Variants in RAI2 observed in about 807,000 individuals in gnomAD.
RAI2 encodes retinoic acid induced 2.
RAI2 carries 5 observed loss-of-function variants against 15.3 expected under a neutral mutation model. The ratio of observed to expected loss-of-function variants is 0.33; its 90% CI spans 0.17 to 0.69. The LOEUF (loss-of-function observed/expected upper bound fraction) is 0.69. RAI2 is among the 30% of genes least tolerant of loss of function. The pLI, the probability that RAI2 is intolerant of heterozygous loss-of-function variation, is 0.69. For synonymous variants in RAI2, 191 were observed against 184.0 expected (o/e 1.04, Z -0.31); for missense variants, 424 against 424.7 (o/e 1.00, Z 0.01).
intron 1 of RAI2, among the ~76,000 whole-genome samples, chrX:17,854,895 C>T (rs2067581522): frequency 8.9e-6 from 1 of 112,049 alleles, no homozygotes; most frequent in Non-Finnish European, 1.9e-5. Context: ...AGGGCAGCCC[C>T]CTCAGGAGCC....
chrX:17,841,534 A>T (rs1026643882), intron 1 of RAI2, among the ~76,000 whole-genome samples: 1 of 112,759 alleles, frequency 8.9e-6, no homozygotes, highest in Non-Finnish European at 1.9e-5. Flanking sequence ...TTAATTCTAC[A>T]ATATGGTTTG....
At chrX:17,807,122 ACCAT>A (rs2147215135) in intron 1 of RAI2, among the ~76,000 whole-genome samples, 1 of 110,920 alleles carries the variant, frequency 9.0e-6, no homozygotes, top group Admixed American at 9.6e-5. Flanking sequence ...CTAGGGTCTG[ACCAT>A]TAGCCTGGAG....
At chrX:17,805,408 G>C (rs1849096762) in intron 1 of RAI2, among the ~76,000 whole-genome samples, 1 of 112,954 alleles carries the variant, frequency 8.9e-6, no homozygotes, top group African/African-American at 3.2e-5. Flanking sequence ...CTTGGGGACT[G>C]CAGCCCGAAG....
intron 1 of RAI2, among the ~76,000 whole-genome samples, chrX:17,853,808 A>G (rs191543657): frequency 9.0e-6 from 1 of 111,644 alleles, no homozygotes; most frequent in East Asian, 2.8e-4. Flanking sequence ...TTAAAGAAAT[A>G]TTGTGATGAT....
intron 1 of RAI2, among the ~76,000 whole-genome samples, chrX:17,857,961 C>T (rs1168577734): frequency 9.0e-6 from 1 of 111,484 alleles, no homozygotes; most frequent in Non-Finnish European, 1.9e-5. Flanking sequence ...CCAGATTTTG[C>T]CAAGGTGGAG....
At chrX:17,839,019 A>G (rs1217466595) in intron 1 of RAI2, among the ~76,000 whole-genome samples, 1 of 112,125 alleles carries the variant, frequency 8.9e-6, no homozygotes, top group Non-Finnish European at 1.9e-5. Context: ...CCCGCTGCCA[A>G]CCACAGCCAC....
chrX:17,804,012 C>T (rs1394340086), intron 1 of RAI2, among the ~76,000 whole-genome samples: 1 of 107,136 alleles, frequency 9.3e-6, no homozygotes, highest in African/African-American at 3.4e-5. Context: ...CAGGCTGGAG[C>T]GCAGTGGCGC....
intron 1 of RAI2, among the ~76,000 whole-genome samples, chrX:17,841,892 A>C (rs2067401911): frequency 8.9e-6 from 1 of 112,851 alleles, no homozygotes; most frequent in African/African-American, 3.2e-5. Flanking sequence ...GTAACTCATC[A>C]GAAATCTTCC....
At chrX:17,819,125 C>T (rs2147233593) in intron 1 of RAI2, among the ~76,000 whole-genome samples, 1 of 112,131 alleles carries the variant, frequency 8.9e-6, no homozygotes, top group African/African-American at 3.2e-5. Flanking sequence ...CACAGACAGC[C>T]CTCAGGGCTG....
rs140431081 is a variant in RAI2, at chrX:17,800,474, T to C, written c.1537A>G (p.Ile513Val). 203 of 1,208,800 alleles carry C rather than the reference T, an allele frequency of 1.7e-4. 1 individual carries two copies. In the African/African-American group the frequency reaches 2.4e-3, roughly 14 times the overall value. The change falls in exon 2 of 2, where the codon ATA becomes GTA. Residue 513 changes from isoleucine to valine, a missense_variant. Coordinates refer to ENST00000451717, the MANE Select transcript of RAI2 (RefSeq NM_021785.6). ...TGTTTTTTGATTGGGAGCATGTGTA[T>C]TTCCTGGGAGTTCACTTTCTTTAAC... Reference protein sequence around the residue: ...IKLKKVNSQEIHMLPIKKQRL... With the variant: ...IKLKKVNSQEVHMLPIKKQRL...
intron 1 of RAI2, among the ~76,000 whole-genome samples, chrX:17,819,898 GGT>G (rs1389788142): frequency 1.3e-4 from 15 of 112,308 alleles, no homozygotes; most frequent in Admixed American, 6.6e-4. Flanking sequence ...TCTTTCAGGT[GGT>G]TACAAAGGTG....
At chrX:17,827,884 C>T (rs186511814) in intron 1 of RAI2, among the ~76,000 whole-genome samples, 1 of 111,381 alleles carries the variant, frequency 9.0e-6, no homozygotes, top group Admixed American at 9.4e-5. Context: ...CATTTCCAAC[C>T]CAGTATCCCT....
chrX:17,805,548 A>G (rs1460320007), intron 1 of RAI2, among the ~76,000 whole-genome samples: 1 of 112,491 alleles, frequency 8.9e-6, no homozygotes, highest in African/African-American at 3.2e-5. Context: ...CTCAGCACCA[A>G]TGAGCTACAG....
intron 1 of RAI2, among the ~76,000 whole-genome samples, chrX:17,826,923 T>C (rs1057113427): frequency 8.9e-6 from 1 of 112,577 alleles, no homozygotes; most frequent in African/African-American, 3.2e-5. Context: ...GAAATCTCTT[T>C]CCTTTATAAA....
intron 1 of RAI2, among the ~76,000 whole-genome samples, chrX:17,808,095 C>CT (rs892368992): frequency 4.5e-5 from 5 of 111,303 alleles, no homozygotes; most frequent in Non-Finnish European, 9.4e-5. Flanking sequence ...TTTTGCAATT[C>CT]TTTTTTTTAT....
chrX:17,819,684 C>T (rs2067143711), intron 1 of RAI2, among the ~76,000 whole-genome samples: 1 of 112,555 alleles, frequency 8.9e-6, no homozygotes. Flanking sequence ...ACAATTGCAT[C>T]TCAAAACCAC....
At chrX:17,857,547 A>G (rs905985996) in intron 1 of RAI2, among the ~76,000 whole-genome samples, 1 of 111,553 alleles carries the variant, frequency 9.0e-6, no homozygotes, top group African/African-American at 3.3e-5. Flanking sequence ...CACCTACAAG[A>G]TGGGAATAAT....
intron 1 of RAI2, among the ~76,000 whole-genome samples, chrX:17,811,733 C>T (rs751997940): frequency 1.8e-5 from 2 of 111,304 alleles, no homozygotes; most frequent in Non-Finnish European, 3.8e-5. Flanking sequence ...CATGTGAATC[C>T]CTTGCCACCC....
intron 1 of RAI2, among the ~76,000 whole-genome samples, chrX:17,852,117 G>C (rs764196789): frequency 9.0e-6 from 1 of 111,643 alleles, no homozygotes; most frequent in East Asian, 2.8e-4. Context: ...GCCTGCAACG[G>C]ACTGGCAACT....
Sources: allele counts gnomAD v4.1 joint callset (sites outside exome capture counted in the v4.1 genomes callset), GRCh38; gene constraint gnomAD v4.1.1; transcripts MANE v1.5; gene names NCBI Gene and HGNC (gene_info 2026-07-23, HGNC 2026-07-21).